The following HCN1 variants were observed in gnomAD, a reference collection of about 807,000 sequenced individuals.
HCN1 encodes the protein hyperpolarization activated cyclic nucleotide gated potassium channel 1.
Under a neutral mutation model 78.9 loss-of-function variants are expected in HCN1, and 13 were observed. The ratio of observed to expected loss-of-function variants is 0.16; its 90% CI spans 0.11 to 0.26. The LOEUF is 0.26. HCN1 is among the 10% of genes least tolerant of loss of function. The probability of loss-of-function intolerance (pLI) is 1.00; values close to 1 mark genes in which losing one functional copy is unlikely to be tolerated. For synonymous variants in HCN1, 552 were observed against 455.5 expected (o/e 1.21, Z -2.70); for missense variants, 810 against 1,154.3 (o/e 0.70, Z 4.32).
At chr5:45,639,835 T>C (rs920077914) in intron 2 of HCN1, among the ~76,000 whole-genome samples, 1 of 152,168 alleles carries the variant, frequency 6.6e-6, no homozygotes, top group African/African-American at 2.4e-5. Context: ...CCCTTCATTC[T>C]GTAGCACTCT....
At position 45,682,274 on chromosome 5, in the gene HCN1, T is replaced by TATATATATATAC. The variant is rs1561243537; in HGVS notation, c.425+13394_425+13395insGTATATATATAT. 6.2e-4 allele frequency among the ~76,000 whole-genome samples: 66 copies of TATATATATATAC among 105,684 alleles called. 2 individuals carry two copies. Among genetic ancestry groups the TATATATATATAC allele is most frequent in the African/African-American group, 2.7e-3 (61 of 22,616 alleles). The allele number at this position is 105,684 out of a possible 152,430, so 69.3% of individuals were successfully genotyped here. The stretch of plus-strand genomic sequence containing the variant: ...AAGATATCATATATATATATATACA[T>TATATATATATAC]ATATATATATATATACACATATATA... On this transcript the variant is annotated intron_variant, in intron 1 of 7. Transcript: ENST00000303230.
intron 2 of HCN1, among the ~76,000 whole-genome samples, chr5:45,579,748 A>T (rs1287195983): frequency 6.6e-6 from 1 of 152,130 alleles, no homozygotes. Flanking sequence ...AAAAGTAATA[A>T]GTAATCTCTG....
At chr5:45,271,723 G>A (rs1209565802) in intron 6 of HCN1, among the ~76,000 whole-genome samples, 2 of 152,030 alleles carry the variant, frequency 1.3e-5, no homozygotes, top group African/African-American at 4.8e-5. Context: ...GAATCAAATA[G>A]CAACATGCTT....
At chr5:45,592,943 C>T (rs181083441) in intron 2 of HCN1, among the ~76,000 whole-genome samples, 4 of 152,106 alleles carry the variant, frequency 2.6e-5, no homozygotes, top group Admixed American at 1.3e-4. Flanking sequence ...TAACATGAAC[C>T]ACGTTGTTTT....
At chr5:45,388,564 T>C (rs1747974646) in intron 4 of HCN1, among the ~76,000 whole-genome samples, 2 of 152,190 alleles carry the variant, frequency 1.3e-5, no homozygotes, top group Admixed American at 1.3e-4. Flanking sequence ...GCAAATTTAA[T>C]GAAGCAGAAA....
chr5:45,333,180 T>A (rs989637863), intron 5 of HCN1, among the ~76,000 whole-genome samples: 1 of 151,770 alleles, frequency 6.6e-6, no homozygotes, highest in Non-Finnish European at 1.5e-5. Context: ...ATATAAGTAT[T>A]TTAACTTGGG....
intron 3 of HCN1, among the ~76,000 whole-genome samples, chr5:45,415,934 C>T (rs555806003): frequency 8.6e-5 from 13 of 151,988 alleles, no homozygotes; most frequent in African/African-American, 3.1e-4. Context: ...TGATAATGTA[C>T]CTTAAGTTAT....
At chr5:45,346,590 C>A (rs191219313) in intron 5 of HCN1, among the ~76,000 whole-genome samples, 4 of 152,288 alleles carry the variant, frequency 2.6e-5, no homozygotes, top group Non-Finnish European at 4.4e-5. Context: ...CGCAAGGGGT[C>A]AGGGAGTTCC....
intron 4 of HCN1, among the ~76,000 whole-genome samples, chr5:45,390,297 CTGTGAAAGTGCTTCACAGTT>C (rs1321947025): frequency 6.6e-6 from 1 of 152,156 alleles, no homozygotes; most frequent in Non-Finnish European, 1.5e-5. Context: ...CCAGGTTTCC[CTGTGAAAGTGCTTCACAGTT>C]TGTTTCTATC....
chr5:45,582,061 G>A (rs1744088579), intron 2 of HCN1, among the ~76,000 whole-genome samples: 1 of 152,156 alleles, frequency 6.6e-6, no homozygotes, highest in Non-Finnish European at 1.5e-5. Flanking sequence ...TGTGAAGAAA[G>A]TCATTGGTAG....
intron 3 of HCN1, among the ~76,000 whole-genome samples, chr5:45,423,775 A>C (rs1216915033): frequency 2.0e-5 from 3 of 152,176 alleles, no homozygotes; most frequent in Non-Finnish European, 4.4e-5. Flanking sequence ...AGGTTCAATA[A>C]AGAGTTTCCA....
At chr5:45,534,678 A>G (rs1036845419) in intron 2 of HCN1, among the ~76,000 whole-genome samples, 4 of 151,936 alleles carry the variant, frequency 2.6e-5, no homozygotes, top group Admixed American at 6.6e-5. Context: ...CAAAAAAAAA[A>G]TAAACATTAG....
At chr5:45,377,004 T>C (rs1349880480) in intron 4 of HCN1, among the ~76,000 whole-genome samples, 1 of 151,962 alleles carries the variant, frequency 6.6e-6, no homozygotes, top group East Asian at 1.9e-4. Flanking sequence ...TTGAGAAAAC[T>C]TGGAATGCTA....
At chr5:45,429,885 G>A (rs1351731678) in intron 3 of HCN1, among the ~76,000 whole-genome samples, 1 of 152,092 alleles carries the variant, frequency 6.6e-6, no homozygotes, top group African/African-American at 2.4e-5. Flanking sequence ...ATGGGGCATA[G>A]GGGAGAAGTG....
At chr5:45,678,907 T>G (rs1027868963) in intron 1 of HCN1, among the ~76,000 whole-genome samples, 7 of 152,100 alleles carry the variant, frequency 4.6e-5, no homozygotes, top group African/African-American at 1.4e-4. Flanking sequence ...ACATAGGATC[T>G]AATCCAACAT....
intron 1 of HCN1, among the ~76,000 whole-genome samples, chr5:45,673,660 A>T (rs554705150): frequency 6.6e-6 from 1 of 151,656 alleles, no homozygotes; most frequent in South Asian, 2.1e-4. Context: ...TTCTTTGCTT[A>T]TATCAGTATC....
intron 4 of HCN1, among the ~76,000 whole-genome samples, chr5:45,354,664 C>CATT (rs1746974831): frequency 6.6e-6 from 1 of 151,952 alleles, no homozygotes; most frequent in African/African-American, 2.4e-5. Flanking sequence ...CCCTTTTGAA[C>CATT]ATTAGTACCC....
At chr5:45,423,905 G>T (rs1444459117) in intron 3 of HCN1, among the ~76,000 whole-genome samples, 1 of 151,910 alleles carries the variant, frequency 6.6e-6, no homozygotes, top group Non-Finnish European at 1.5e-5. Context: ...TATGCTTATT[G>T]TATACTTTTC....
At chr5:45,409,973 A>C (rs1413691670) in intron 3 of HCN1, among the ~76,000 whole-genome samples, 1 of 151,862 alleles carries the variant, frequency 6.6e-6, no homozygotes, top group Non-Finnish European at 1.5e-5. Context: ...TTTGTCTAAG[A>C]ATTAAAAAAC....
Sources: gnomAD v4.1 joint callset for allele counts (sites outside exome capture counted in the v4.1 genomes callset) on GRCh38, gnomAD v4.1.1 for gene constraint, MANE v1.5 for transcripts, NCBI Gene and HGNC (gene_info 2026-07-23, HGNC 2026-07-21) for gene names.